Variants in CD2 observed in about 807,000 individuals in gnomAD.
CD2 encodes the protein T-cell surface antigen CD2.
A neutral mutation model predicts 23.2 loss-of-function variants in CD2; 18 were observed. The observed-to-expected ratio is 0.77, with a 90% confidence interval of 0.54 to 1.15. The LOEUF (loss-of-function observed/expected upper bound fraction) is 1.15, where lower values mean the gene tolerates loss of function less well. CD2 is among the 50% of genes most tolerant of loss of function. CD2 has a pLI of 0.00. For missense variants in CD2, 424 were observed against 423.1 expected, an observed-to-expected ratio of 1.00 and a Z score of -0.02; for synonymous variants, 162 against 151.9, an observed-to-expected ratio of 1.07 and a Z score of -0.49.
At position 116,760,407 on chromosome 1, in the gene CD2, G is replaced by A. The variant is rs1459737102; in HGVS notation, c.388G>A (p.Val130Ile). 6.2e-7 allele frequency: 1 copy of A among 1,612,720 alleles called. No homozygotes were observed. Among genetic ancestry groups the A allele is most frequent in the African/African-American group, 1.3e-5 (1 of 74,806 alleles). Residue 130 changes from valine to isoleucine, a missense_variant, in exon 3 of 5, where the codon GTC becomes ATC. By Grantham distance (29) the Val-to-Ile change is conservative. Coordinates refer to ENST00000369478, the MANE Select transcript of CD2 (RefSeq NM_001767.5). ...KIFDLKIQERVSKPKISWTCI... is the reference protein window; with the variant it reads ...KIFDLKIQERISKPKISWTCI... ...AATCTTTACTTTCTTTTTAGAGAGG[G>A]TCTCAAAACCAAAGATCTCCTGGAC...
At position 116,762,022 on chromosome 1, in the gene CD2, G is replaced by T. The variant is rs533389703; in HGVS notation, c.613+1390G>T. 3.9e-5 allele frequency among the ~76,000 whole-genome samples: 6 copies of T among 152,034 alleles called. No individual in the cohort carries two copies. In the South Asian group the frequency reaches 1.0e-3, roughly 26 times the overall value. ...ATTTTTAAAATTTTGTAGAGATAAGGTCTCACTCTGTTGCCCAGGCTGGTC... is the reference window on the plus strand; with the variant it reads ...ATTTTTAAAATTTTGTAGAGATAAGTTCTCACTCTGTTGCCCAGGCTGGTC... On this transcript the variant is annotated intron_variant, in intron 3 of 4. Transcript: ENST00000369478.
At position 116,760,325 on chromosome 1, in the gene CD2, C is replaced by T. The variant is rs191435301; in HGVS notation, c.383-77C>T. On this transcript the variant is annotated intron_variant, in intron 2 of 4. Transcript: ENST00000369478. ...TCCCTTGTCCCTAACTGACTCCATCCCCCACTGTATAAATAGATATGTTTA... is the reference window on the plus strand; with the variant it reads ...TCCCTTGTCCCTAACTGACTCCATCTCCCACTGTATAAATAGATATGTTTA... The T allele has an allele frequency of 6.4e-6, 7 of 1,100,914 alleles. No homozygotes were observed. In the Admixed American group the frequency reaches 1.4e-4, roughly 22 times the overall value. The allele number at this position is 1,100,914 out of a possible 1,614,324, so 68.2% of individuals were successfully genotyped here.
chr1:116,762,026 C>T (rs1204433983), intron 3 of CD2, among the ~76,000 whole-genome samples: 4 of 151,912 alleles, frequency 2.6e-5, no homozygotes, highest in Non-Finnish European at 5.9e-5. Context: ...GATAAGGTCT[C>T]ACTCTGTTGC....
Position 116,769,084 on chromosome 1 carries a change from T to C in CD2, c.*301T>C, listed in dbSNP as rs1652317619. 6.2e-6 allele frequency: 2 copies of C among 320,164 alleles called. No homozygotes were observed. The highest frequency in any genetic ancestry group is 4.3e-5 in the African/African-American group (2 of 46,828). 19.8% of individuals were successfully genotyped at this position (320,164 alleles called of 1,614,324 possible). A position where few individuals can be genotyped will look rare whatever the true frequency, so the allele number is the denominator to read the frequency against. On this transcript the variant is annotated 3_prime_UTR_variant, in exon 5 of 5. Coordinates refer to ENST00000369478, the MANE Select transcript of CD2 (RefSeq NM_001767.5). ...TTCTTGTCCCCTCTCAGGTCATGTG[T>C]AGATGCGATAAATCAAGTGATTGGT...
Position 116,768,544 on chromosome 1 carries a change from C to T in CD2, c.817C>T (p.Pro273Ser), listed in dbSNP as rs1383091843. 6.2e-7 allele frequency: 1 copy of T among 1,614,138 alleles called. No individual in the cohort carries two copies. The highest frequency in any genetic ancestry group is 8.5e-7 in the Non-Finnish European group (1 of 1,180,032). ...GCCCCACCAAATTCCAGCTTCAACC[C>T]CTCAGAATCCAGCAACTTCCCAACA... ...RKPHQIPAST[P>S]QNPATSQHPP... Residue 273 changes from proline to serine, a missense_variant, in exon 5 of 5, where the codon CCT (proline) becomes TCT (serine). Physicochemically the swap from Pro to Ser is moderately conservative, Grantham distance 74. Transcript: ENST00000369478.
Position 116,754,626 on chromosome 1 carries a change from T to C in CD2, c.62-5T>C. ...GACTCTCAGTAACTCTTTTGCTTTT[T>C]ATAGGTGCAGTCTCCAAAGAGATTA... On this transcript the variant is annotated splice_region_variant and splice_polypyrimidine_tract_variant and intron_variant, in intron 1 of 4. Coordinates refer to ENST00000369478, the MANE Select transcript of CD2 (RefSeq NM_001767.5). 2 of 1,608,132 alleles carry C rather than the reference T, an allele frequency of 1.2e-6. No individual in the cohort carries two copies. Among genetic ancestry groups the C allele is most frequent in the Non-Finnish European group, 1.7e-6 (2 of 1,178,258 alleles).
At chr1:116,756,923 C>G (rs1651869219) in intron 2 of CD2, among the ~76,000 whole-genome samples, 1 of 151,930 alleles carries the variant, frequency 6.6e-6, no homozygotes, top group Non-Finnish European at 1.5e-5. Context: ...TCCTGCAGTG[C>G]CTGGGGCACA....
At chr1:116,764,431 T>A in intron 3 of CD2, 53 bp from the exon 4 acceptor site, 1 of 1,595,578 alleles carries the variant, frequency 6.3e-7, no homozygotes, top group Non-Finnish European at 8.5e-7. Flanking sequence ...GCCAGAGTAA[T>A]GGGCTCTCTG....
At chr1:116,767,321 C>A (rs1332614767) in intron 4 of CD2, among the ~76,000 whole-genome samples, 4 of 151,970 alleles carry the variant, frequency 2.6e-5, no homozygotes, top group East Asian at 1.9e-4. Context: ...CAGCTGGGTG[C>A]GGTGGCTCAT....
chr1:116,768,500 C>G lies in CD2; in HGVS notation c.773C>G (p.Thr258Ser). 6.2e-7 allele frequency: 1 copy of G among 1,614,144 alleles called. No homozygotes were observed. Among genetic ancestry groups the G allele is most frequent in the Non-Finnish European group, 8.5e-7 (1 of 1,180,008 alleles). The change falls in exon 5 of 5, where the codon ACT (threonine) becomes AGT (serine). Residue 258 changes from threonine to serine, a missense_variant. By Grantham distance (58) the Thr-to-Ser change is moderately conservative (BLOSUM62 1). Transcript: ENST00000369478. ...GAGACAAGAGCCCACAGAGTAGCTA[C>G]TGAAGAAAGGGGCCGGAAGCCCCAC... The part of the protein sequence containing the change: ...ELETRAHRVA[T>S]EERGRKPHQI...
rs1171856595 is a variant in CD2, at chr1:116,764,483, G to C, written c.614-1G>C. ...CCATCCCACTTCTCTTCCTTTTGCA[G>C]AGAAAGGTCTGGACATCTATCTCAT... On this transcript the variant is annotated splice_acceptor_variant, in intron 3 of 4. Transcript: ENST00000369478. LOFTEE classifies it high-confidence loss of function. 6.2e-7 allele frequency: 1 copy of C among 1,613,900 alleles called. No homozygotes were observed. The highest frequency in any genetic ancestry group is 2.2e-5 in the East Asian group (1 of 44,880).
At position 116,754,630 on chromosome 1, in the gene CD2, G is replaced by A; in HGVS notation, c.62-1G>A. The A allele has an allele frequency of 6.2e-7, 1 of 1,607,104 alleles. No individual in the cohort carries two copies. The highest frequency in any genetic ancestry group is 8.5e-7 in the Non-Finnish European group (1 of 1,177,894). ...CTCAGTAACTCTTTTGCTTTTTATAGGTGCAGTCTCCAAAGAGATTACGAA... is the reference window on the plus strand; with the variant it reads ...CTCAGTAACTCTTTTGCTTTTTATAAGTGCAGTCTCCAAAGAGATTACGAA... On this transcript the variant is annotated splice_acceptor_variant, in intron 1 of 4. Coordinates refer to ENST00000369478, the MANE Select transcript of CD2 (RefSeq NM_001767.5). LOFTEE classifies it high-confidence loss of function.
Position 116,754,812 on chromosome 1 carries a change from A to G in CD2, c.243A>G (p.Lys81=). 1.2e-6 allele frequency: 2 copies of G among 1,612,964 alleles called. No homozygotes were observed. Among genetic ancestry groups the G allele is most frequent in the Non-Finnish European group, 1.7e-6 (2 of 1,179,394 alleles). The change falls in exon 2 of 5, where the codon AAA becomes AAG. Residue 81 remains lysine (K), a synonymous_variant. Transcript: ENST00000369478. Reference sequence around the variant, plus strand: ...AAGAGAAAGAGACTTTCAAGGAAAAAGATACATATAAGCTATTTAAAAATG... The same window carrying G: ...AAGAGAAAGAGACTTTCAAGGAAAAGGATACATATAAGCTATTTAAAAATG... ...FRKEKETFKE[K]DTYKLFKNGT... is the part of the protein sequence containing the mutation.
chr1:116,768,883 C>A lies in CD2; in HGVS notation c.*100C>A. ...CATGAGGTGTTTTCTGTGTGCAGAA[C>A]ATTGTCACCTCCTGAGGCTGTGGGC... On this transcript the variant is annotated 3_prime_UTR_variant, in exon 5 of 5. Transcript: ENST00000369478. The A allele has an allele frequency of 8.4e-7, 1 of 1,187,138 alleles. No individual in the cohort carries two copies. The highest frequency in any genetic ancestry group is 1.2e-6 in the Non-Finnish European group (1 of 843,060). 73.5% of individuals were successfully genotyped at this position (1,187,138 alleles called of 1,614,324 possible). A position where few individuals can be genotyped will look rare whatever the true frequency, so the allele number is the denominator to read the frequency against.
rs779863841 is a variant in CD2, at chr1:116,768,634, C to T, written c.907C>T (p.Arg303Cys). The change falls in exon 5 of 5, where the codon CGT (arginine) becomes TGT (cysteine). Residue 303 changes from arginine to cysteine, a missense_variant. Coordinates refer to ENST00000369478, the MANE Select transcript of CD2 (RefSeq NM_001767.5). ...TCATCGTCCCCCGCCTCCTGGACAC[C>T]GTGTTCAGCACCAGCCTCAGAAGAG... ...PSHRPPPPGH[R>C]VQHQPQKRPP... 2.0e-5 allele frequency: 32 copies of T among 1,613,966 alleles called. No homozygotes were observed. The highest frequency in any genetic ancestry group is 3.3e-5 in the Admixed American group (2 of 59,998).
chr1:116,756,271 A>G (rs3768448), intron 2 of CD2, among the ~76,000 whole-genome samples: 17,052 of 152,160 alleles, frequency 0.11, 1,066 homozygotes, highest in East Asian at 0.19. Flanking sequence ...AAACAGCACA[A>G]AACTCGAGTG....
At chr1:116,766,141 C>T (rs1002091712) in intron 4 of CD2, among the ~76,000 whole-genome samples, 2 of 152,234 alleles carry the variant, frequency 1.3e-5, no homozygotes, top group African/African-American at 4.8e-5. Flanking sequence ...TGCCTCATTC[C>T]AGTCATGCCC....
chr1:116,759,332 G>A (rs999633829), intron 2 of CD2, among the ~76,000 whole-genome samples: 3 of 151,816 alleles, frequency 2.0e-5, no homozygotes, highest in South Asian at 2.1e-4. Flanking sequence ...GAGTGGGAGG[G>A]AATCATTGAA....
At chr1:116,756,913 T>C (rs1651868705) in intron 2 of CD2, among the ~76,000 whole-genome samples, 1 of 152,052 alleles carries the variant, frequency 6.6e-6, no homozygotes, top group African/African-American at 2.4e-5. Context: ...TGTACAAGTG[T>C]CCTGCAGTGC....
Sources: gnomAD v4.1 joint callset for allele counts (sites outside exome capture counted in the v4.1 genomes callset) on GRCh38, gnomAD v4.1.1 for gene constraint, MANE v1.5 for transcripts, NCBI Gene and HGNC (gene_info 2026-07-23, HGNC 2026-07-21) for gene names.